Variants in PRDM5 observed in about 807,000 individuals in gnomAD.
PRDM5 encodes the protein PR/SET domain 5, also known as PR domain zinc finger protein 5.
In PRDM5, 56 loss-of-function variants were observed where a neutral mutation model predicts 81.2. That is an observed-to-expected ratio of 0.69 (90% CI 0.56 to 0.86). PRDM5 has a LOEUF of 0.86. PRDM5 is among the 40% of genes least tolerant of loss of function. PRDM5 has a pLI of 0.00. For synonymous variants in PRDM5, 267 were observed against 256.4 expected (o/e 1.04, Z -0.39); for missense variants, 697 against 770.1 (o/e 0.91, Z 1.12).
intron 2 of PRDM5, among the ~76,000 whole-genome samples, chr4:120,858,583 G>A (rs989930477): frequency 1.6e-4 from 23 of 148,202 alleles, no homozygotes; most frequent in African/African-American, 4.9e-4. Flanking sequence ...GCGTGCGCGC[G>A]CACGCACGCA....
At chr4:120,815,747 T>C (rs1484336158) in intron 7 of PRDM5, among the ~76,000 whole-genome samples, 3 of 152,188 alleles carry the variant, frequency 2.0e-5, no homozygotes, top group African/African-American at 7.2e-5. Flanking sequence ...AATCTCAACC[T>C]CCTTTAAGGA....
At chr4:120,743,232 G>C (rs1284940426) in intron 14 of PRDM5, among the ~76,000 whole-genome samples, 1 of 151,348 alleles carries the variant, frequency 6.6e-6, no homozygotes, top group African/African-American at 2.5e-5. Flanking sequence ...GAAATGCTGA[G>C]AGATTTTGTC....
At chr4:120,730,938 C>T (rs1479071833) in intron 14 of PRDM5, among the ~76,000 whole-genome samples, 1 of 152,046 alleles carries the variant, frequency 6.6e-6, no homozygotes, top group Non-Finnish European at 1.5e-5. Context: ...GCCAGAGAGA[C>T]GAAGTTGTTC....
intron 15 of PRDM5, among the ~76,000 whole-genome samples, chr4:120,698,384 C>A (rs1451247812): frequency 2.0e-5 from 3 of 152,112 alleles, no homozygotes; most frequent in Non-Finnish European, 4.4e-5. Flanking sequence ...AATTATCTGG[C>A]CTTTTATTCC....
intron 3 of PRDM5, among the ~76,000 whole-genome samples, chr4:120,824,651 G>T (rs1416777613): frequency 1.3e-5 from 2 of 151,358 alleles, no homozygotes; most frequent in African/African-American, 4.9e-5. Context: ...ATTTCATTTT[G>T]CTTTATTTTA....
rs575443203 is a variant in PRDM5, at chr4:120,815,466, C to T, written c.865+987G>A. Among the ~76,000 whole-genome samples, 8 of 152,340 alleles carry T rather than the reference C, an allele frequency of 5.3e-5. No homozygotes were observed. The South Asian group carries it at 1.7e-3, about 32-fold the overall frequency. On this transcript the variant is annotated intron_variant, in intron 7 of 15. Transcript: ENST00000264808. The stretch of plus-strand genomic sequence containing the variant: ...TAATATGCAGCCCAAACCAATGATG[C>T]AAAGTCGCAGCTAGCAGTTGTTCAC...
chr4:120,794,494 T>C (rs1751049078), intron 10 of PRDM5, among the ~76,000 whole-genome samples: 1 of 148,766 alleles, frequency 6.7e-6, no homozygotes, highest in Non-Finnish European at 1.5e-5. Context: ...ACCAAATAAA[T>C]AATTCTGACT....
At position 120,686,164 on chromosome 4, in the gene PRDM5, C is replaced by G. The variant is rs1324454582; in HGVS notation, n.104-1139G>C. On this transcript the variant is annotated intron_variant and non_coding_transcript_variant, in intron 1 of 1. Transcript: ENST00000513741. ...CCAGAAGCCTGACAGATGCTAATAC[C>G]ATGCTTCCTGTATATCCTGCATAAC... Among the ~76,000 whole-genome samples the G allele has an allele frequency of 4.6e-5, 7 of 152,030 alleles. No homozygotes were observed. The South Asian group carries it at 1.5e-3, about 32-fold the overall frequency.
chr4:120,804,102 GA>G (rs1360332205), intron 8 of PRDM5, among the ~76,000 whole-genome samples: 2 of 152,156 alleles, frequency 1.3e-5, no homozygotes, highest in Non-Finnish European at 2.9e-5. Context: ...AAGAGAAAAA[GA>G]AAGCCATTAC....
chr4:120,800,325 G>A (rs947592410), intron 8 of PRDM5, among the ~76,000 whole-genome samples: 1 of 152,060 alleles, frequency 6.6e-6, no homozygotes, highest in Non-Finnish European at 1.5e-5. Context: ...AGATCAGCCT[G>A]GACAACAAAG....
At chr4:120,887,599 A>G (rs192588555) in intron 2 of PRDM5, among the ~76,000 whole-genome samples, 158 of 152,228 alleles carry the variant, frequency 1.0e-3, no homozygotes, top group African/African-American at 3.6e-3. Flanking sequence ...CTGGTCTCTC[A>G]TCCACTAACC....
intron 2 of PRDM5, chr4:120,896,096 G>A (rs1421510591): frequency 6.6e-6 from 1 of 152,144 alleles, no homozygotes; most frequent in Non-Finnish European, 1.5e-5. Context: ...GCAATTATTT[G>A]CATAAGCCAC....
chr4:120,688,439 C>G (rs1017618801), downstream of PRDM5, among the ~76,000 whole-genome samples: 1 of 152,086 alleles, frequency 6.6e-6, no homozygotes, highest in Non-Finnish European at 1.5e-5. Context: ...TTGCTTCTCA[C>G]TCTGATTATT....
chr4:120,703,364 G>C (rs780970946), intron 15 of PRDM5, among the ~76,000 whole-genome samples: 13 of 151,758 alleles, frequency 8.6e-5, no homozygotes, highest in African/African-American at 3.1e-4. Context: ...TTTTATTTTT[G>C]TTTTTTGTAA....
At position 120,809,882 on chromosome 4, in the gene PRDM5, G is replaced by A. The variant is rs79247485; in HGVS notation, c.945+1488C>T. Among the ~76,000 whole-genome samples, 579 of 152,270 alleles carry A rather than the reference G, an allele frequency of 3.8e-3. 6 individuals are homozygous for A. The highest frequency in any genetic ancestry group is 0.013 in the African/African-American group (558 of 41,560). On this transcript the variant is annotated intron_variant, in intron 8 of 15. Transcript: ENST00000264808. ...AACATTCTGCAAAGACCACTCAGGA[G>A]GCATGAGTTATAGTTTCTGTATTCC...
chr4:120,793,149 C>T (rs111622089), intron 10 of PRDM5, among the ~76,000 whole-genome samples: 90 of 152,218 alleles, frequency 5.9e-4, no homozygotes, highest in African/African-American at 2.0e-3. Flanking sequence ...ACAGCCACTC[C>T]CCATCACTCA....
intron 13 of PRDM5, among the ~76,000 whole-genome samples, chr4:120,768,630 T>C (rs1746759707): frequency 6.6e-6 from 1 of 152,190 alleles, no homozygotes; most frequent in South Asian, 2.1e-4. Flanking sequence ...GACTATAATG[T>C]ACTACATAAT....
chr4:120,899,225 C>T (rs1764980547), intron 2 of PRDM5, among the ~76,000 whole-genome samples: 1 of 152,132 alleles, frequency 6.6e-6, no homozygotes, highest in Non-Finnish European at 1.5e-5. Flanking sequence ...TTCCTGTGCC[C>T]ATCCCCATGC....
At chr4:120,754,462 C>T (rs1456342633) in intron 14 of PRDM5, 91 bp downstream of exon 14, 1 of 849,634 alleles carries the variant, frequency 1.2e-6, no homozygotes, top group Non-Finnish European at 1.9e-6. Flanking sequence ...CAGTGTATTG[C>T]CTTTATTTTG....
Sources: allele counts gnomAD v4.1 joint callset (sites outside exome capture counted in the v4.1 genomes callset), GRCh38; gene constraint gnomAD v4.1.1; transcripts MANE v1.5; gene names NCBI Gene and HGNC (gene_info 2026-07-23, HGNC 2026-07-21).